SUGCT: variants seen among roughly 807,000 people sequenced by gnomAD.
The protein encoded by SUGCT is succinyl-CoA:glutarate CoA-transferase.
In SUGCT, 41 loss-of-function variants were observed where a neutral mutation model predicts 55.0. The observed-to-expected ratio is 0.74, with a 90% CI of 0.58 to 0.97. The LOEUF is 0.97. SUGCT is among the 50% of genes least tolerant of loss of function. The pLI, the probability that SUGCT is intolerant of heterozygous loss-of-function variation, is 0.00. For synonymous variants in SUGCT, 187 were observed against 200.4 expected (o/e 0.93, Z 0.56); for missense variants, 568 against 547.8 (o/e 1.04, Z -0.37).
intron 13 of SUGCT, among the ~76,000 whole-genome samples, chr7:40,859,956 G>A (rs959529212): frequency 7.9e-5 from 12 of 152,236 alleles, no homozygotes; most frequent in African/African-American, 2.9e-4. Context: ...GAGACACTAC[G>A]TTTCTGTGGT....
chr7:40,225,887 A>G (rs1388707433), intron 6 of SUGCT, among the ~76,000 whole-genome samples: 1 of 152,208 alleles, frequency 6.6e-6, no homozygotes, highest in Non-Finnish European at 1.5e-5. Context: ...AATTTTCTCA[A>G]TAATAATTAA....
chr7:40,758,682 C>T (rs1788380517), intron 13 of SUGCT, among the ~76,000 whole-genome samples: 1 of 152,070 alleles, frequency 6.6e-6, no homozygotes, highest in African/African-American at 2.4e-5. Flanking sequence ...TTCATGTTGT[C>T]ATATCTTTAT....
chr7:40,144,035 T>C (rs1035895219), intron 1 of SUGCT, among the ~76,000 whole-genome samples: 1 of 152,198 alleles, frequency 6.6e-6, no homozygotes, highest in African/African-American at 2.4e-5. Context: ...CCTTGCTCTT[T>C]AGTGGTCCAC....
intron 12 of SUGCT, chr7:40,546,963 A>G (rs1312302772): frequency 6.6e-6 from 1 of 152,232 alleles, no homozygotes; most frequent in Non-Finnish European, 1.5e-5. Flanking sequence ...AGTTCTCCAG[A>G]GAAACAGAAG....
chr7:40,218,818 A>C (rs1787837033), intron 6 of SUGCT, among the ~76,000 whole-genome samples: 1 of 152,208 alleles, frequency 6.6e-6, no homozygotes, highest in Admixed American at 6.5e-5. Context: ...AAAATGGACC[A>C]GTCAGCACTG....
At chr7:40,402,583 G>GT (rs1326432874) in intron 9 of SUGCT, among the ~76,000 whole-genome samples, 60 of 147,042 alleles carry the variant, frequency 4.1e-4, no homozygotes, top group South Asian at 1.3e-3. Flanking sequence ...ATTGGTACCT[G>GT]TTTTTTTTTT....
chr7:40,424,661 A>G (rs1249473735), intron 9 of SUGCT, among the ~76,000 whole-genome samples: 1 of 152,152 alleles, frequency 6.6e-6, no homozygotes, highest in East Asian at 1.9e-4. Context: ...GATTTAATAA[A>G]TTTAACTACT....
At chr7:40,675,682 C>T (rs184547134) in intron 12 of SUGCT, among the ~76,000 whole-genome samples, 15 of 152,222 alleles carry the variant, frequency 9.9e-5, no homozygotes, top group East Asian at 9.7e-4. Context: ...GAGGTGCTTT[C>T]GGCTGCAAAT....
intron 10 of SUGCT, among the ~76,000 whole-genome samples, chr7:40,456,506 A>G (rs1384373988): frequency 6.6e-6 from 1 of 152,168 alleles, no homozygotes; most frequent in East Asian, 1.9e-4. Context: ...TGACTTTGTG[A>G]AGCTTATATT....
chr7:40,698,887 C>T (rs772707472), intron 12 of SUGCT, among the ~76,000 whole-genome samples: 14 of 152,164 alleles, frequency 9.2e-5, no homozygotes, highest in Non-Finnish European at 1.8e-4. Flanking sequence ...CCCTGACATT[C>T]CCAGATCATT....
In SUGCT at chr7:40,722,302, C is replaced by T. The variant is rs761391103; in HGVS notation, c.1090-27132C>T. ...TTCAATTTAAAGAAATCCTTGCTCA[C>T]GCTTATACTATAATGTAGGGGAGTC... On this transcript the variant is annotated intron_variant, in intron 12 of 13. Coordinates refer to ENST00000335693, the MANE Select transcript of SUGCT (RefSeq NM_001193313.2). Among the ~76,000 whole-genome samples, 3 of 152,226 alleles carry T rather than the reference C, an allele frequency of 2.0e-5. No individual in the cohort carries two copies. In the East Asian group the frequency reaches 5.8e-4, roughly 29 times the overall value.
At chr7:40,226,983 T>A (rs962955561) in intron 6 of SUGCT, among the ~76,000 whole-genome samples, 1 of 150,300 alleles carries the variant, frequency 6.7e-6, no homozygotes, top group African/African-American at 2.4e-5. Flanking sequence ...ATAATTTTTT[T>A]AACATCTTAT....
At chr7:40,664,212 A>G (rs577043019) in intron 12 of SUGCT, among the ~76,000 whole-genome samples, 8 of 152,330 alleles carry the variant, frequency 5.3e-5, no homozygotes, top group Non-Finnish European at 1.0e-4. Flanking sequence ...GTATTTTGTT[A>G]TAGCAGTCCT....
intron 11 of SUGCT, among the ~76,000 whole-genome samples, chr7:40,462,285 T>C (rs1275807355): frequency 6.6e-6 from 1 of 151,674 alleles, no homozygotes; most frequent in East Asian, 1.9e-4. Context: ...CCAGGCAGAG[T>C]TTATGGAGTA....
At chr7:40,259,485 A>G (rs545301781) in intron 7 of SUGCT, among the ~76,000 whole-genome samples, 4 of 152,346 alleles carry the variant, frequency 2.6e-5, no homozygotes, top group Non-Finnish European at 4.4e-5. Flanking sequence ...ATATAAGTAT[A>G]TGAAGTAATG....
chr7:40,368,298 C>T (rs377570184), intron 9 of SUGCT, among the ~76,000 whole-genome samples: 23 of 152,046 alleles, frequency 1.5e-4, no homozygotes, highest in East Asian at 1.4e-3. Flanking sequence ...CCCAGGTTCA[C>T]GTGATTCTCC....
At chr7:40,468,929 A>T (rs1454573882) in intron 11 of SUGCT, among the ~76,000 whole-genome samples, 2 of 152,158 alleles carry the variant, frequency 1.3e-5, no homozygotes, top group Non-Finnish European at 2.9e-5. Flanking sequence ...AGAAGCTGAG[A>T]GCAGTTAGGA....
At chr7:40,899,670 G>GT in the SUGCT span, among the ~76,000 whole-genome samples, 2 of 150,368 alleles carry the variant, frequency 1.3e-5, no homozygotes, top group Non-Finnish European at 3.0e-5. Flanking sequence ...TTTTTTTGCT[G>GT]TTTTTACCAT....
At chr7:40,764,012 G>A (rs538260441) in intron 13 of SUGCT, among the ~76,000 whole-genome samples, 13 of 152,046 alleles carry the variant, frequency 8.6e-5, no homozygotes, top group Non-Finnish European at 1.9e-4. Flanking sequence ...TTCCCCAACT[G>A]TCCTGCAGCA....
Sources: allele counts gnomAD v4.1 joint callset (sites outside exome capture counted in the v4.1 genomes callset), GRCh38; gene constraint gnomAD v4.1.1; transcripts MANE v1.5; gene names NCBI Gene and HGNC (gene_info 2026-07-23, HGNC 2026-07-21).